The following SDK1 variants were observed in gnomAD, a reference collection of about 807,000 sequenced individuals.
SDK1 encodes the protein protein sidekick-1.
Under a neutral mutation model 245.5 loss-of-function variants are expected in SDK1, and 157 were observed. The ratio of observed to expected loss-of-function variants is 0.64; its 90% CI spans 0.56 to 0.73. The LOEUF (loss-of-function observed/expected upper bound fraction) is 0.73. Among genes scored for constraint, SDK1 ranks in the 30% least tolerant of loss-of-function variants. The pLI is 0.00. For synonymous variants in SDK1, 1,647 were observed against 1,278.5 expected (o/e 1.29, Z -6.15); for missense variants, 3,583 against 3,002.3 (o/e 1.19, Z -4.52).
In SDK1 at chr7:4,268,538, T is replaced by C; in HGVS notation, c.*3154T>C. ...CAGATGGCCACACACGGAACGCGCC[T>C]CCACAGCCCCGGGAGGTGGCTCACT... is the stretch of plus-strand genomic sequence containing the variant. On this transcript the variant is annotated 3_prime_UTR_variant, in exon 45 of 45. Coordinates refer to ENST00000404826, the MANE Select transcript of SDK1 (RefSeq NM_152744.4). 7.9e-7 allele frequency: 1 copy of C among 1,266,710 alleles called. No homozygotes were observed. Among genetic ancestry groups the C allele is most frequent in the Non-Finnish European group, 1.0e-6 (1 of 970,864 alleles). The allele number at this position is 1,266,710 out of a possible 1,614,324, so 78.5% of individuals were successfully genotyped here. A position where few individuals can be genotyped will look rare whatever the true frequency, so the allele number is the denominator to read the frequency against.
intron 4 of SDK1, among the ~76,000 whole-genome samples, chr7:3,662,006 C>G (rs968494159): frequency 2.0e-5 from 3 of 149,756 alleles, no homozygotes; most frequent in African/African-American, 7.4e-5. Context: ...ACCACTTACT[C>G]AAATGTTTCA....
chr7:3,581,369 C>T (rs936325952), intron 1 of SDK1, among the ~76,000 whole-genome samples: 2 of 152,318 alleles, frequency 1.3e-5, no homozygotes, highest in East Asian at 1.9e-4. Context: ...CAAAAGAAGA[C>T]ATATGCAGCC....
intron 30 of SDK1, among the ~76,000 whole-genome samples, chr7:4,156,770 GTGGGCCT>G: frequency 6.6e-6 from 1 of 152,220 alleles, no homozygotes; most frequent in Non-Finnish European, 1.5e-5. Context: ...TGGGGGCTGT[GTGGGCCT>G]CTGGACTTCA....
intron 1 of SDK1, among the ~76,000 whole-genome samples, chr7:3,357,308 C>T (rs1172001981): frequency 8.7e-6 from 1 of 115,000 alleles, no homozygotes; most frequent in Non-Finnish European, 1.9e-5. Context: ...TCTTTTTACT[C>T]TTGCTCCCCT....
intron 1 of SDK1, among the ~76,000 whole-genome samples, chr7:3,512,502 T>C (rs188637678): frequency 4.6e-5 from 7 of 152,186 alleles, no homozygotes. Flanking sequence ...GATCATATGG[T>C]ACGGGTATGT....
At chr7:3,615,060 ATGC>A (rs1447356850) in intron 1 of SDK1, among the ~76,000 whole-genome samples, 2 of 151,784 alleles carry the variant, frequency 1.3e-5, no homozygotes, top group African/African-American at 2.4e-5. Context: ...TAAAATGATG[ATGC>A]TCTATCAATA....
intron 4 of SDK1, among the ~76,000 whole-genome samples, chr7:3,686,346 G>A (rs1156867134): frequency 6.6e-6 from 1 of 152,206 alleles, no homozygotes; most frequent in Non-Finnish European, 1.5e-5. Context: ...AAACTGCTGG[G>A]ATTACAGCCA....
chr7:3,443,885 C>A (rs1882431), intron 1 of SDK1, among the ~76,000 whole-genome samples: 115,090 of 152,178 alleles, frequency 0.76, 43,802 homozygotes, highest in African/African-American at 0.83. Flanking sequence ...AGCTAAACCA[C>A]AGCAGAACAT....
intron 35 of SDK1, among the ~76,000 whole-genome samples, chr7:4,186,488 G>A (rs1444169742): frequency 6.6e-6 from 1 of 152,232 alleles, no homozygotes; most frequent in East Asian, 1.9e-4. Flanking sequence ...CCGCCTCCTT[G>A]GAGCCTGTGG....
intron 2 of SDK1, among the ~76,000 whole-genome samples, chr7:3,627,520 G>A (rs755403711): frequency 5.9e-5 from 9 of 152,154 alleles, no homozygotes; most frequent in Admixed American, 2.6e-4. Flanking sequence ...GCATGTTTCC[G>A]TGGTAGAAAG....
At chr7:4,036,213 T>A (rs1455778168) in intron 17 of SDK1, among the ~76,000 whole-genome samples, 1 of 152,188 alleles carries the variant, frequency 6.6e-6, no homozygotes, top group Admixed American at 6.5e-5. Flanking sequence ...GAGAGCAACT[T>A]TTTTCTTGAC....
intron 1 of SDK1, among the ~76,000 whole-genome samples, chr7:3,502,888 C>A (rs541450561): frequency 1.3e-5 from 2 of 152,052 alleles, no homozygotes; most frequent in African/African-American, 4.8e-5. Flanking sequence ...CTTTTCTTGG[C>A]CATAAAATTG....
chr7:4,196,947 G>A (rs1783615475), intron 35 of SDK1, among the ~76,000 whole-genome samples: 1 of 152,238 alleles, frequency 6.6e-6, no homozygotes, highest in Non-Finnish European at 1.5e-5. Flanking sequence ...GGAAAGTCAG[G>A]CCCTGGAATG....
chr7:4,006,601 A>G (rs1323388221), intron 14 of SDK1, among the ~76,000 whole-genome samples: 4 of 151,618 alleles, frequency 2.6e-5, no homozygotes, highest in African/African-American at 4.8e-5. Flanking sequence ...TCCCAAAACA[A>G]TTTTTTTTTG....
chr7:3,618,429 CT>C lies in SDK1; in HGVS notation c.299-650del, dbSNP rs540259209. Among the ~76,000 whole-genome samples the C allele has an allele frequency of 2.6e-5, 4 of 152,202 alleles. No homozygotes were observed. The East Asian group carries it at 7.7e-4, about 29-fold the overall frequency. ...CATGCTATAAGCTTTTTTGAAAATT[CT>C]GTCTGGCTTCTTTCACTCGGCTTGA... On this transcript the variant is annotated intron_variant, in intron 1 of 44. Coordinates refer to ENST00000404826, the MANE Select transcript of SDK1 (RefSeq NM_152744.4).
chr7:3,333,514 G>A (rs758591852), intron 1 of SDK1, among the ~76,000 whole-genome samples: 1 of 152,016 alleles, frequency 6.6e-6, no homozygotes, highest in Non-Finnish European at 1.5e-5. Flanking sequence ...TTGTATGTTG[G>A]CAGTGGCTTT....
rs961064208 is a variant in SDK1 at position 3,486,042 on chromosome 7, T to A, written c.299-133038T>A. 9.2e-5 allele frequency among the ~76,000 whole-genome samples: 14 copies of A among 152,062 alleles called. 1 individual carries two copies. In the South Asian group the frequency reaches 2.1e-3, roughly 23 times the overall value. On this transcript the variant is annotated intron_variant, in intron 1 of 44. Transcript: ENST00000404826. Reference sequence around the variant, plus strand: ...ATTGGTTTTATCTATTTTTTGAAGATCTGAAAAACTCTTCATTAAAATCAT... The same window carrying A: ...ATTGGTTTTATCTATTTTTTGAAGAACTGAAAAACTCTTCATTAAAATCAT...
chr7:4,087,802 TCTTAA>T (rs554693081), intron 22 of SDK1, among the ~76,000 whole-genome samples: 14 of 152,162 alleles, frequency 9.2e-5, no homozygotes, highest in South Asian at 2.1e-4. Context: ...TAGACGTGCT[TCTTAA>T]CTTCTTTGTG....
At chr7:3,831,270 T>C (rs1360953967) in intron 5 of SDK1, among the ~76,000 whole-genome samples, 1 of 152,222 alleles carries the variant, frequency 6.6e-6, no homozygotes, top group Admixed American at 6.5e-5. Context: ...AGTAGTTGAA[T>C]ACAGCGATGA....
Sources: gnomAD v4.1 joint callset for allele counts (sites outside exome capture counted in the v4.1 genomes callset) on GRCh38, gnomAD v4.1.1 for gene constraint, MANE v1.5 for transcripts, NCBI Gene and HGNC (gene_info 2026-07-23, HGNC 2026-07-21) for gene names.